The following ATAD2B variants were observed in gnomAD, a reference collection of about 807,000 sequenced individuals.
The protein encoded by ATAD2B is ATPase family AAA domain-containing protein 2B.
In ATAD2B, 40 loss-of-function variants were observed where a neutral mutation model predicts 167.6. That is an observed-to-expected ratio of 0.24 (90% confidence interval 0.19 to 0.31). The LOEUF is 0.31. Among genes scored for constraint, ATAD2B ranks in the 10% least tolerant of loss-of-function variants. The probability of loss-of-function intolerance (pLI) is 1.00; values close to 1 mark genes in which losing one functional copy is unlikely to be tolerated. For synonymous variants in ATAD2B, 579 were observed against 596.5 expected, an observed-to-expected ratio of 0.97 and a Z score of 0.43; for missense variants, 1,242 against 1,757.2, an observed-to-expected ratio of 0.71 and a Z score of 5.24.
intron 2 of ATAD2B, among the ~76,000 whole-genome samples, chr2:23,894,438 G>A (rs1352459991): frequency 1.3e-5 from 2 of 150,728 alleles, no homozygotes; most frequent in Admixed American, 6.6e-5. Context: ...CAAAGATAGC[G>A]CCATTGCACT....
At chr2:23,706,856 C>T in the ATAD2B span, 19 of 513,102 alleles carry the variant, frequency 3.7e-5, no homozygotes, top group Non-Finnish European at 5.3e-5. Context: ...ACGGAGGCAC[C>T]GCGCTTGGAG....
intron 25 of ATAD2B, 123 bp from the exon 26 acceptor site, chr2:23,754,897 T>A: frequency 9.9e-7 from 1 of 1,012,312 alleles, no homozygotes; most frequent in Non-Finnish European, 1.4e-6. Flanking sequence ...GGTGTATTCT[T>A]AAGTGATTTT....
chr2:23,835,483 TTAGAAGTTGCC>T (rs1418230034), intron 13 of ATAD2B, among the ~76,000 whole-genome samples: 2 of 152,168 alleles, frequency 1.3e-5, no homozygotes, highest in African/African-American at 4.8e-5. Flanking sequence ...AGAAAGTATA[TTAGAAGTTGCC>T]TAGAGCTTGG....
chr2:23,878,401 G>T (rs546870473), intron 7 of ATAD2B, among the ~76,000 whole-genome samples: 44 of 152,148 alleles, frequency 2.9e-4, no homozygotes, highest in African/African-American at 1.0e-3. Flanking sequence ...GCTCACGCCT[G>T]TAATCCCAGG....
intron 19 of ATAD2B, among the ~76,000 whole-genome samples, chr2:23,794,201 T>C (rs889085369): frequency 1.3e-5 from 2 of 152,120 alleles, no homozygotes; most frequent in Non-Finnish European, 1.5e-5. Context: ...GTAGAGATGG[T>C]GTTATGCCAT....
intron 18 of ATAD2B, among the ~76,000 whole-genome samples, chr2:23,799,629 G>A (rs932323103): frequency 3.3e-5 from 5 of 149,868 alleles, no homozygotes; most frequent in East Asian, 1.9e-4. Context: ...TGGGATTATC[G>A]GAAACTATCC....
At chr2:23,814,814 G>A (rs575830042) in intron 17 of ATAD2B, among the ~76,000 whole-genome samples, 11 of 152,070 alleles carry the variant, frequency 7.2e-5, no homozygotes, top group Non-Finnish European at 1.2e-4. Context: ...CAGCACTTTG[G>A]GAGGCCAAGG....
At chr2:23,908,930 T>C (rs1009939117) in intron 1 of ATAD2B, among the ~76,000 whole-genome samples, 83 of 134,154 alleles carry the variant, frequency 6.2e-4, no homozygotes, top group Non-Finnish European at 9.5e-4. Context: ...TAGGTGGGAA[T>C]TGAACAATGA....
chr2:23,884,926 C>A (rs1479789157), intron 5 of ATAD2B, 53 bp from the exon 6 acceptor site: 1 of 1,179,930 alleles, frequency 8.5e-7, no homozygotes, highest in Admixed American at 2.8e-5. Context: ...TTCTCCACTA[C>A]AAAAAAACAA....
At chr2:23,896,645 C>G (rs529980040) in intron 1 of ATAD2B, among the ~76,000 whole-genome samples, 21 of 152,250 alleles carry the variant, frequency 1.4e-4, no homozygotes, top group African/African-American at 5.1e-4. Context: ...TACAACCCCC[C>G]AATCAGGAAA....
chr2:23,895,796 A>G (rs1700077427), intron 2 of ATAD2B, 23 bp downstream of exon 2: 2 of 1,558,594 alleles, frequency 1.3e-6, no homozygotes, highest in Non-Finnish European at 1.7e-6. Flanking sequence ...AGAAAAAACA[A>G]TCAATGAGTT....
In ATAD2B at chr2:23,858,827, ATGTGCCACAGTTAAACC is replaced by A. The variant is rs553711453; in HGVS notation, c.1480-1341_1480-1325del. Among the ~76,000 whole-genome samples, 170 of 152,208 alleles carry A rather than the reference ATGTGCCACAGTTAAACC, an allele frequency of 1.1e-3. 1 individual carries two copies. Among genetic ancestry groups the A allele is most frequent in the African/African-American group, 4.0e-3 (166 of 41,540 alleles). On this transcript the variant is annotated intron_variant, in intron 12 of 27. Coordinates refer to ENST00000238789, the MANE Select transcript of ATAD2B (RefSeq NM_017552.4). ...AGCTATATGATGTCCCACCGTATGG[ATGTGCCACAGTTAAACC>A]TGTCCCCTTCTTATGGATACTTAGG...
chr2:23,752,225 T>C (rs964305600), intron 27 of ATAD2B, 138 bp from the exon 28 acceptor site: 10 of 658,020 alleles, frequency 1.5e-5, no homozygotes, highest in African/African-American at 1.1e-4. Context: ...CTGATTATAA[T>C]ACCATAGGTA....
chr2:23,761,637 G>C (rs140237206), intron 24 of ATAD2B, among the ~76,000 whole-genome samples: 1 of 152,286 alleles, frequency 6.6e-6, no homozygotes, highest in East Asian at 1.9e-4. Flanking sequence ...TTAGAAAGAC[G>C]CAGTGTTTAT....
the ATAD2B span, among the ~76,000 whole-genome samples, chr2:23,710,001 G>A: frequency 6.6e-6 from 1 of 152,130 alleles, no homozygotes; most frequent in African/African-American, 2.4e-5. Flanking sequence ...ACTATATCAG[G>A]AGTCCATGAG....
chr2:23,882,196 AT>A (rs772927425), intron 6 of ATAD2B, among the ~76,000 whole-genome samples: 4 of 148,494 alleles, frequency 2.7e-5, no homozygotes, highest in Admixed American at 6.8e-5. Flanking sequence ...TTCCATCTCT[AT>A]TTTTTTTTTA....
intron 13 of ATAD2B, among the ~76,000 whole-genome samples, chr2:23,844,473 C>T (rs1445364025): frequency 6.6e-6 from 1 of 150,880 alleles, no homozygotes; most frequent in Non-Finnish European, 1.5e-5. Context: ...TAAAATAAAA[C>T]TAACCCAGAA....
the ATAD2B span, among the ~76,000 whole-genome samples, chr2:23,740,115 C>G: frequency 5.3e-5 from 8 of 152,276 alleles, no homozygotes; most frequent in African/African-American, 1.2e-4. Flanking sequence ...CGAATTCTAC[C>G]AGAGGTACAA....
Position 23,926,538 on chromosome 2 carries a change from G to T in ATAD2B, c.216+17C>A. The T allele has an allele frequency of 6.5e-7, 1 of 1,538,648 alleles. No homozygotes were observed. Reference sequence around the variant, plus strand: ...CGGCACTTCCGAGCCTCCGGACTCGGGACGCCGCGCTCTTACCCTGGCCTC... The same window carrying T: ...CGGCACTTCCGAGCCTCCGGACTCGTGACGCCGCGCTCTTACCCTGGCCTC... On this transcript the variant is annotated intron_variant, in intron 1 of 27. Transcript: ENST00000238789.
Sources: allele counts gnomAD v4.1 joint callset (sites outside exome capture counted in the v4.1 genomes callset), GRCh38; gene constraint gnomAD v4.1.1; transcripts MANE v1.5; gene names NCBI Gene and HGNC (gene_info 2026-07-23, HGNC 2026-07-21).